Variants in GALNT15 observed in about 807,000 individuals in gnomAD.
GALNT15 encodes the protein polypeptide N-acetylgalactosaminyltransferase 15.
Under a neutral mutation model 66.8 loss-of-function variants are expected in GALNT15, and 67 were observed. That is an observed-to-expected ratio of 1.00 (90% CI 0.82 to 1.23). GALNT15 has a LOEUF of 1.23. Among genes scored for constraint, GALNT15 ranks in the 50% most tolerant of loss-of-function variants. GALNT15 has a pLI of 0.00. For synonymous variants in GALNT15, 313 were observed against 311.5 expected (o/e 1.00, Z -0.05); for missense variants, 827 against 804.3 (o/e 1.03, Z -0.34).
At chr3:16,237,733 T>C in the GALNT15 span, among the ~76,000 whole-genome samples, 2 of 152,332 alleles carry the variant, frequency 1.3e-5, no homozygotes, top group African/African-American at 4.8e-5. This position sits in a 1 kb window ranked among gnomAD's most constrained non-coding sequence, Gnocchi z 4.2. Flanking sequence ...TCTTTGAGCA[T>C]ATCCTTGACC....
chr3:16,205,188 C>A (rs535649734), intron 3 of GALNT15, among the ~76,000 whole-genome samples: 1 of 152,314 alleles, frequency 6.6e-6, no homozygotes, highest in East Asian at 1.9e-4. Context: ...GAATTCAGAG[C>A]CTTCTGCTTC....
chr3:16,227,409 A>G lies in GALNT15; in HGVS notation c.1829A>G (p.Glu610Gly). Residue 610 changes from glutamate to glycine, a missense_variant, in exon 10 of 10, where the codon GAA (glutamate) becomes GGA (glycine). Transcript: ENST00000339732. This position sits in a 1 kb window ranked among gnomAD's most constrained non-coding sequence, Gnocchi z 4.5. Reference protein sequence around the residue: ...SGKCMEAVVQENNKDLYLRPC... With the variant: ...SGKCMEAVVQGNNKDLYLRPC... ...AAATGCATGGAAGCTGTGGTGCAAG[A>G]AAACAATAAAGATTTGTACCTGCGT... 1 of 1,614,180 alleles carries G rather than the reference A, an allele frequency of 6.2e-7. No homozygotes were observed. Among genetic ancestry groups the G allele is most frequent in the Non-Finnish European group, 8.5e-7 (1 of 1,180,020 alleles).
intron 6 of GALNT15, among the ~76,000 whole-genome samples, chr3:16,216,957 T>C (rs9833912): frequency 3.9e-5 from 6 of 152,182 alleles, no homozygotes; most frequent in Admixed American, 6.5e-5. Context: ...AACTAATTAT[T>C]ATTTTAGAGA....
rs1303939713 is a variant in GALNT15, at chr3:16,195,949, C to G, written c.706+23C>G. ...AAGGTAGCCACGGCTTTCCTCCAGG[C>G]TCGTCTGGGTGAGCCTTACCCCCTG... On this transcript the variant is annotated intron_variant, in intron 2 of 9. Coordinates refer to ENST00000339732, the MANE Select transcript of GALNT15 (RefSeq NM_054110.5). This position sits in a 1 kb window ranked among gnomAD's most constrained non-coding sequence, Gnocchi z 4.6. 1 of 1,613,026 alleles carries G rather than the reference C, an allele frequency of 6.2e-7. No homozygotes were observed. The highest frequency in any genetic ancestry group is 1.3e-5 in the African/African-American group (1 of 75,044).
downstream of GALNT15, among the ~76,000 whole-genome samples, chr3:16,234,603 T>C (rs1205307209): frequency 6.6e-6 from 1 of 152,222 alleles, no homozygotes; most frequent in Non-Finnish European, 1.5e-5. Context: ...CCTTCTCCAC[T>C]TCCTTACTAG....
chr3:16,178,477 G>A (rs1287326374), intron 1 of GALNT15, among the ~76,000 whole-genome samples: 1 of 152,178 alleles, frequency 6.6e-6, no homozygotes, highest in East Asian at 1.9e-4. Flanking sequence ...GGGTTCTCAC[G>A]GAACGGCCGC....
intron 5 of GALNT15, among the ~76,000 whole-genome samples, chr3:16,212,166 T>C (rs1442235594): frequency 6.6e-6 from 1 of 152,218 alleles, no homozygotes; most frequent in Non-Finnish European, 1.5e-5. Flanking sequence ...GGTGTCTTTG[T>C]AGCACACTTC....
chr3:16,175,491 G>C lies in GALNT15; in HGVS notation c.340G>C (p.Gly114Arg), dbSNP rs761576068. 1 of 1,613,798 alleles carries C rather than the reference G, an allele frequency of 6.2e-7. No homozygotes were observed. The highest frequency in any genetic ancestry group is 1.7e-5 in the Admixed American group (1 of 60,002). The change falls in exon 1 of 10, where the codon GGT becomes CGT. Residue 114 changes from glycine (G) to arginine (R), a missense_variant. Coordinates refer to ENST00000339732, the MANE Select transcript of GALNT15 (RefSeq NM_054110.5). This position sits in a 1 kb window ranked among gnomAD's most constrained non-coding sequence, Gnocchi z 5.6. ...AAGGAACCAGAGCCAGGGCAGGAGA[G>C]GTGGGAGCTACCGCCTCATCAAGCA... is the stretch of plus-strand genomic sequence containing the variant. ...ARRNQSQGRRGGSYRLIKQPR... is the reference protein window; with the variant it reads ...ARRNQSQGRRRGSYRLIKQPR...
rs190791670 is a variant in GALNT15 at position 16,218,034 on chromosome 3, C to A, written c.1393-1369C>A. 1.7e-3 allele frequency among the ~76,000 whole-genome samples: 261 copies of A among 152,322 alleles called. 1 individual carries two copies. Among genetic ancestry groups the A allele is most frequent in the African/African-American group, 5.1e-3 (214 of 41,562 alleles). Reference sequence around the variant, plus strand: ...CTCACCAGGAGACATGGTTAAAATGCAGATTCCAGGGCCTCCAACCCAAAC... The same window carrying A: ...CTCACCAGGAGACATGGTTAAAATGAAGATTCCAGGGCCTCCAACCCAAAC... On this transcript the variant is annotated intron_variant, in intron 6 of 9. Coordinates refer to ENST00000339732, the MANE Select transcript of GALNT15 (RefSeq NM_054110.5).
intron 1 of GALNT15, among the ~76,000 whole-genome samples, chr3:16,190,505 G>A (rs2124852483): frequency 6.6e-6 from 1 of 152,228 alleles, no homozygotes; most frequent in East Asian, 1.9e-4. Context: ...GGGCGTGGTG[G>A]CGGGCGCCTG....
chr3:16,237,519 CG>C, the GALNT15 span, among the ~76,000 whole-genome samples: 1 of 152,344 alleles, frequency 6.6e-6, no homozygotes, highest in African/African-American at 2.4e-5. The surrounding 1 kb of genome is among the most constrained non-coding windows in gnomAD (Gnocchi z 4.2). Flanking sequence ...CTCTACTGGC[CG>C]TGCTGCTGAC....
At chr3:16,232,515 T>TATATATATATATATATATATA (rs1553689268), downstream of GALNT15, among the ~76,000 whole-genome samples, 1 of 75,216 alleles carries the variant, frequency 1.3e-5, no homozygotes, top group Non-Finnish European at 2.5e-5. Context: ...TATATATTTA[T>TATATATATATATATATATATA]TTAAAAGAGA....
rs112059170 is a variant in GALNT15 at position 16,222,909 on chromosome 3, G to A, written c.1773+151G>A. 4,358 of 856,032 alleles carry A rather than the reference G, an allele frequency of 5.1e-3. 22 individuals are homozygous for A. Among genetic ancestry groups the A allele is most frequent in the Admixed American group, 0.011 (389 of 34,888 alleles). The allele number at this position is 856,032 out of a possible 1,614,324, so 53.0% of individuals were successfully genotyped here. ...AGTGGCTGGGCAGTAAGGCCTCAGG[G>A]GGAGGAAAAGGCAACCCAGCAGCAA... On this transcript the variant is annotated intron_variant, in intron 9 of 9. Transcript: ENST00000339732.
chr3:16,201,603 C>T (rs1372142091), intron 3 of GALNT15, among the ~76,000 whole-genome samples: 1 of 152,182 alleles, frequency 6.6e-6, no homozygotes, highest in African/African-American at 2.4e-5. Context: ...CACTAAACAG[C>T]ATTCTTTGTT....
chr3:16,222,237 G>A (rs2124902078), intron 8 of GALNT15, among the ~76,000 whole-genome samples: 1 of 152,324 alleles, frequency 6.6e-6, no homozygotes, highest in Middle Eastern at 3.4e-3. Flanking sequence ...TTAGTTTCAG[G>A]AGCAGGTTAG....
downstream of GALNT15, among the ~76,000 whole-genome samples, chr3:16,233,092 A>AACTTTTTTTTTTTTTTTTTTT (rs2064099282): frequency 4.2e-5 from 2 of 48,074 alleles, no homozygotes; most frequent in South Asian, 1.6e-3. Flanking sequence ...AGGATAATGC[A>AACTTTTTTTTTTTTTTTTTTT]TCTTTTTTTT....
chr3:16,228,973 G>A lies in GALNT15; in HGVS notation c.*1473G>A, dbSNP rs2124911179. 1 of 985,430 alleles carries A rather than the reference G, an allele frequency of 1.0e-6. No homozygotes were observed. The highest frequency in any genetic ancestry group is 1.2e-6 in the Non-Finnish European group (1 of 829,934). The allele number at this position is 985,430 out of a possible 1,614,324, so 61.0% of individuals were successfully genotyped here. On this transcript the variant is annotated 3_prime_UTR_variant, in exon 10 of 10. Coordinates refer to ENST00000339732, the MANE Select transcript of GALNT15 (RefSeq NM_054110.5). ...TTCCTTGCTATGACTTGGCTTACCT[G>A]AATTAGCTGTAAGAGTTGCCGAATG...
chr3:16,199,767 A>G (rs1197483247), intron 2 of GALNT15, among the ~76,000 whole-genome samples: 4 of 152,196 alleles, frequency 2.6e-5, no homozygotes, highest in Admixed American at 2.6e-4. Flanking sequence ...GTCATTGACC[A>G]TGACTGGGGC....
At chr3:16,190,637 C>CAAAAA (rs34205852) in intron 1 of GALNT15, among the ~76,000 whole-genome samples, 4 of 98,636 alleles carry the variant, frequency 4.1e-5, no homozygotes, top group Non-Finnish European at 4.1e-5. Flanking sequence ...GACTCCGTAT[C>CAAAAA]AAAAAAAAAA....
Sources: gnomAD v4.1 joint callset for allele counts (sites outside exome capture counted in the v4.1 genomes callset) on GRCh38, gnomAD v4.1.1 for gene constraint, Gnocchi (gnomAD v3.1) non-coding constraint, MANE v1.5 for transcripts, NCBI Gene and HGNC (gene_info 2026-07-23, HGNC 2026-07-21) for gene names.